The following PDE10A variants were observed in gnomAD, a reference collection of about 807,000 sequenced individuals.
PDE10A encodes the protein cAMP and cAMP-inhibited cGMP 3',5'-cyclic phosphodiesterase 10A.
A neutral mutation model predicts 97.7 loss-of-function variants in PDE10A; 39 were observed. The ratio of observed to expected loss-of-function variants is 0.40; its 90% CI spans 0.31 to 0.52. The LOEUF (loss-of-function observed/expected upper bound fraction) is 0.52, where lower values mean the gene tolerates loss of function less well. PDE10A is among the 20% of genes least tolerant of loss of function. The pLI is 0.56. For missense variants in PDE10A, 731 were observed against 1,047.8 expected, an observed-to-expected ratio of 0.70 and a Z score of 4.17; for synonymous variants, 371 against 376.8, an observed-to-expected ratio of 0.98 and a Z score of 0.18.
chr6:165,804,562 A>C (rs901566990), intron 1 of PDE10A, among the ~76,000 whole-genome samples: 2 of 152,104 alleles, frequency 1.3e-5, no homozygotes, highest in Non-Finnish European at 2.9e-5. Flanking sequence ...GGTCGTGGTG[A>C]AGTGGCTGCA....
intron 1 of PDE10A, among the ~76,000 whole-genome samples, chr6:165,748,265 T>A (rs73788780): frequency 0.077 from 11,756 of 152,190 alleles, 520 homozygotes; most frequent in African/African-American, 0.12. Flanking sequence ...TTTAGGTACT[T>A]GGAGTGCAGA....
At chr6:165,618,926 CGTGTAGTCTA>C (rs1374015266) in intron 1 of PDE10A, among the ~76,000 whole-genome samples, 2,411 of 148,756 alleles carry the variant, frequency 0.016, 48 homozygotes, top group African/African-American at 0.053. Flanking sequence ...ATGAGAGAAG[CGTGTAGTCTA>C]GTGTAGTCTA....
chr6:165,795,573 A>AAAACAAAC (rs574196141), intron 1 of PDE10A, among the ~76,000 whole-genome samples: 2,379 of 151,692 alleles, frequency 0.016, 72 homozygotes, highest in African/African-American at 0.054. Flanking sequence ...TAAAAATACA[A>AAAACAAAC]AAACAAACAA....
intron 1 of PDE10A, among the ~76,000 whole-genome samples, chr6:165,705,842 C>G (rs1335505664): frequency 6.6e-6 from 1 of 152,174 alleles, no homozygotes; most frequent in Non-Finnish European, 1.5e-5. Context: ...CAAAACGTAA[C>G]TTTCTCTCCT....
intron 1 of PDE10A, among the ~76,000 whole-genome samples, chr6:165,722,324 G>A (rs1433791413): frequency 6.6e-6 from 1 of 152,088 alleles, no homozygotes; most frequent in Non-Finnish European, 1.5e-5. Flanking sequence ...AGTTTTAGAA[G>A]GTTAATTTCT....
chr6:165,704,625 A>G (rs554965995), intron 1 of PDE10A, among the ~76,000 whole-genome samples: 136 of 152,340 alleles, frequency 8.9e-4, no homozygotes, highest in African/African-American at 3.0e-3. Context: ...AAGAAAAATC[A>G]GAGTCACCAA....
At chr6:165,793,326 G>A (rs1458778674) in intron 1 of PDE10A, among the ~76,000 whole-genome samples, 1 of 151,950 alleles carries the variant, frequency 6.6e-6, no homozygotes, top group African/African-American at 2.4e-5. Context: ...TCAATATGAT[G>A]AAGATAAAAT....
intron 3 of PDE10A, among the ~76,000 whole-genome samples, chr6:165,458,054 A>G (rs1778065714): frequency 6.6e-6 from 1 of 152,206 alleles, no homozygotes; most frequent in African/African-American, 2.4e-5. Context: ...TTAACAGCAT[A>G]AAAAGGAGCT....
intron 1 of PDE10A, among the ~76,000 whole-genome samples, chr6:165,594,663 G>A (rs1786478675): frequency 6.6e-6 from 1 of 152,184 alleles, no homozygotes; most frequent in South Asian, 2.1e-4. Flanking sequence ...TAAAACCACT[G>A]AGTGATACGG....
chr6:165,570,600 T>C (rs979618502), intron 1 of PDE10A, among the ~76,000 whole-genome samples: 7 of 152,160 alleles, frequency 4.6e-5, no homozygotes, highest in African/African-American at 1.7e-4. Flanking sequence ...AAAGAGGAAA[T>C]AACTCGATTT....
At chr6:165,987,434 T>G (rs1415130731) in intron 1 of PDE10A, 17 of 319,984 alleles carry the variant, frequency 5.3e-5, no homozygotes, top group Non-Finnish European at 9.8e-5. Context: ...GGACAGGAAG[T>G]TTTTTTAAGT....
intron 1 of PDE10A, among the ~76,000 whole-genome samples, chr6:165,685,930 A>G (rs1791102118): frequency 6.6e-6 from 1 of 152,192 alleles, no homozygotes; most frequent in Non-Finnish European, 1.5e-5. Flanking sequence ...TGTATGGACA[A>G]GTGGTAACAG....
intron 1 of PDE10A, among the ~76,000 whole-genome samples, chr6:165,846,953 A>G (rs553626753): frequency 1.3e-5 from 2 of 152,348 alleles, no homozygotes; most frequent in Non-Finnish European, 2.9e-5. Flanking sequence ...CCAACTAGGT[A>G]CAGATGGAAA....
chr6:165,944,382 A>T (rs1783690656), intron 1 of PDE10A, among the ~76,000 whole-genome samples: 1 of 151,504 alleles, frequency 6.6e-6, no homozygotes, highest in Non-Finnish European at 1.5e-5. Flanking sequence ...TCTCTTGGGA[A>T]CTCTTTGGTT....
At chr6:165,651,611 G>C (rs1007585261) in intron 1 of PDE10A, among the ~76,000 whole-genome samples, 1 of 152,178 alleles carries the variant, frequency 6.6e-6, no homozygotes, top group African/African-American at 2.4e-5. Context: ...CAATACCAAG[G>C]TGTTTCATTG....
chr6:165,871,756 G>T (rs1266818554), intron 1 of PDE10A, among the ~76,000 whole-genome samples: 2 of 152,186 alleles, frequency 1.3e-5, no homozygotes, highest in African/African-American at 4.8e-5. Context: ...CCAACCCCAG[G>T]GGTGACGACT....
chr6:165,464,647 T>C (rs1057458556), intron 3 of PDE10A, among the ~76,000 whole-genome samples: 4 of 152,178 alleles, frequency 2.6e-5, no homozygotes, highest in African/African-American at 9.6e-5. Flanking sequence ...CTCCCTCCCA[T>C]AGTCCTTTCT....
intron 1 of PDE10A, among the ~76,000 whole-genome samples, chr6:165,600,912 C>T (rs890996917): frequency 6.6e-6 from 1 of 152,214 alleles, no homozygotes; most frequent in Non-Finnish European, 1.5e-5. Context: ...GCACCAAATT[C>T]TTTAAACATA....
chr6:165,451,490 G>A (rs111252418), intron 3 of PDE10A, among the ~76,000 whole-genome samples: 10 of 152,058 alleles, frequency 6.6e-5, no homozygotes, highest in Non-Finnish European at 1.2e-4. Context: ...AAAACGCCTC[G>A]CACAGTAACA....
Sources: gnomAD v4.1 joint callset for allele counts (sites outside exome capture counted in the v4.1 genomes callset) on GRCh38, gnomAD v4.1.1 for gene constraint, MANE v1.5 for transcripts, NCBI Gene and HGNC (gene_info 2026-07-23, HGNC 2026-07-21) for gene names.